The following TNFRSF9 variants were observed in gnomAD, a reference collection of about 807,000 sequenced individuals.
TNFRSF9 encodes tumor necrosis factor receptor superfamily member 9.
TNFRSF9 carries 16 observed loss-of-function variants against 28.8 expected under a neutral mutation model. The observed-to-expected ratio is 0.55, with a 90% CI of 0.38 to 0.84. TNFRSF9 has a LOEUF of 0.84. Among genes scored for constraint, TNFRSF9 ranks in the 40% least tolerant of loss-of-function variants. TNFRSF9 has a pLI of 0.00. For missense variants in TNFRSF9, 303 were observed against 315.0 expected (o/e 0.96, Z 0.29); for synonymous variants, 131 against 117.0 (o/e 1.12, Z -0.77).
rs1639496253 is a variant in TNFRSF9, at chr1:7,917,460, A to C, written c.*3375T>G. The C allele has an allele frequency of 6.6e-6, 1 of 152,232 alleles. No individual in the cohort carries two copies. The highest frequency in any genetic ancestry group is 1.5e-5 in the Non-Finnish European group (1 of 68,082). The allele number at this position is 152,232 out of a possible 1,614,324, so 9.4% of individuals were successfully genotyped here. A position where few individuals can be genotyped will look rare whatever the true frequency, so the allele number is the denominator to read the frequency against. On this transcript the variant is annotated 3_prime_UTR_variant, in exon 8 of 8. Coordinates refer to ENST00000377507, the MANE Select transcript of TNFRSF9 (RefSeq NM_001561.6). ...GCAGGAGAAAGACGACGTATTGAAT[A>C]CATGGCGCAGGGACCAGTGGTTACC...
In TNFRSF9 at chr1:7,920,851, C is replaced by CCTT; in HGVS notation, c.749_751dup (p.Glu250dup). 2 of 1,612,988 alleles carry CCTT rather than the reference C, an allele frequency of 1.2e-6. No individual in the cohort carries two copies. Among genetic ancestry groups the CCTT allele is most frequent in the Non-Finnish European group, 1.7e-6 (2 of 1,179,154 alleles). On this transcript the variant is annotated inframe_insertion, in exon 8 of 8. Transcript: ENST00000377507. ...ACTTCCATTTCACAGTTCACATCCT[C>CCTT]CTTCTTCTTCTTCTGGAAATCGGCA... is the stretch of plus-strand genomic sequence containing the variant.
intron 7 of TNFRSF9, among the ~76,000 whole-genome samples, chr1:7,923,477 C>T (rs894476664): frequency 2.0e-5 from 3 of 152,164 alleles, no homozygotes; most frequent in East Asian, 1.9e-4. Flanking sequence ...CTGGCCGTAA[C>T]GAGCTGCCCA....
chr1:7,935,249 A>G, intron 5 of TNFRSF9, 106 bp from the exon 6 acceptor site: 1 of 1,295,786 alleles, frequency 7.7e-7, no homozygotes, highest in South Asian at 1.5e-5. Context: ...AGTGAAAAAG[A>G]TATATGGGTC....
chr1:7,938,480 T>C, intron 3 of TNFRSF9, 150 bp from the exon 4 acceptor site: 1 of 983,836 alleles, frequency 1.0e-6, no homozygotes, highest in Non-Finnish European at 1.4e-6. Context: ...CATAAAGACA[T>C]TTTTACATTT....
chr1:7,939,299 G>A (rs1459823237), intron 2 of TNFRSF9, among the ~76,000 whole-genome samples: 14 of 138,952 alleles, frequency 1.0e-4, no homozygotes, highest in South Asian at 2.3e-4. Context: ...CAGCCTGGGC[G>A]ACAGAGTGAG....
rs1402765600 is a variant in TNFRSF9 at position 7,919,210 on chromosome 1, C to T, written c.*1625G>A. The stretch of plus-strand genomic sequence containing the variant: ...GCAAGCTTGCAATAGGCATGTCATA[C>T]AAAAGTGTAAGAAATGGCCAGGCAT... On this transcript the variant is annotated 3_prime_UTR_variant, in exon 8 of 8. Coordinates refer to ENST00000377507, the MANE Select transcript of TNFRSF9 (RefSeq NM_001561.6). 2 of 152,060 alleles carry T rather than the reference C, an allele frequency of 1.3e-5. No homozygotes were observed. The highest frequency in any genetic ancestry group is 4.8e-5 in the African/African-American group (2 of 41,392). The allele number at this position is 152,060 out of a possible 1,614,324, so 9.4% of individuals were successfully genotyped here.
rs746229330 is a variant in TNFRSF9, at chr1:7,920,952, T to C, written c.680-29A>G. The stretch of plus-strand genomic sequence containing the variant: ...AAAAAAAAATTTTAAGATACGTATA[T>C]TTTGTTGTCTATTTGAATCATTTAA... On this transcript the variant is annotated intron_variant, in intron 7 of 7. Transcript: ENST00000377507. 5 of 1,461,772 alleles carry C rather than the reference T, an allele frequency of 3.4e-6. No individual in the cohort carries two copies. In the Admixed American group the frequency reaches 6.8e-5, roughly 20 times the overall value. The allele number at this position is 1,461,772 out of a possible 1,614,324, so 90.6% of individuals were successfully genotyped here.
intron 7 of TNFRSF9, among the ~76,000 whole-genome samples, chr1:7,929,939 T>C (rs1280688704): frequency 6.6e-6 from 1 of 151,244 alleles, no homozygotes; most frequent in Non-Finnish European, 1.5e-5. Flanking sequence ...TACGTCAAAA[T>C]TGAAAGTTCT....
intron 6 of TNFRSF9, among the ~76,000 whole-genome samples, chr1:7,933,940 C>G (rs148100475): frequency 1.8e-4 from 27 of 152,142 alleles, no homozygotes; most frequent in African/African-American, 5.8e-4. Flanking sequence ...TCGCTTGAAC[C>G]TGGGAGGTAG....
chr1:7,929,710 T>C (rs2890315), intron 7 of TNFRSF9, among the ~76,000 whole-genome samples: 2,781 of 152,224 alleles, frequency 0.018, 95 homozygotes, highest in African/African-American at 0.063. Context: ...AGGACCTAAC[T>C]AGAAAGGAAT....
At chr1:7,932,762 T>C (rs578071008) in intron 7 of TNFRSF9, among the ~76,000 whole-genome samples, 2 of 151,380 alleles carry the variant, frequency 1.3e-5, no homozygotes, top group Admixed American at 1.3e-4. Context: ...TACACATACA[T>C]GCAATAATCC....
chr1:7,925,181 G>A (rs559133739), intron 7 of TNFRSF9, among the ~76,000 whole-genome samples: 5 of 151,890 alleles, frequency 3.3e-5, no homozygotes, highest in Non-Finnish European at 5.9e-5. Flanking sequence ...GGTGGCAGCT[G>A]CCTGTAGTCC....
At position 7,917,844 on chromosome 1, in the gene TNFRSF9, A is replaced by G. The variant is rs1639501107; in HGVS notation, c.*2991T>C. ...GAGGATCACTTGAGCTCAGGAGTTC[A>G]AGACCAGCCTGGGCAACATAATGAA... On this transcript the variant is annotated 3_prime_UTR_variant, in exon 8 of 8. Transcript: ENST00000377507. 2.0e-5 allele frequency: 3 copies of G among 151,784 alleles called. No homozygotes were observed. Among genetic ancestry groups the G allele is most frequent in the Admixed American group, 6.6e-5 (1 of 15,188 alleles). The allele number at this position is 151,784 out of a possible 1,614,324, so 9.4% of individuals were successfully genotyped here.
At chr1:7,928,644 C>A (rs376898698) in intron 7 of TNFRSF9, among the ~76,000 whole-genome samples, 4 of 152,304 alleles carry the variant, frequency 2.6e-5, no homozygotes, top group African/African-American at 9.6e-5. Flanking sequence ...GTAATCCCAG[C>A]ACTTTGGGAG....
chr1:7,927,352 C>A (rs1466049366), intron 7 of TNFRSF9, among the ~76,000 whole-genome samples: 1 of 152,218 alleles, frequency 6.6e-6, no homozygotes, highest in Non-Finnish European at 1.5e-5. Context: ...CGACAATCAT[C>A]CCCGCTTTCT....
In TNFRSF9 at chr1:7,940,028, G is replaced by A. The variant is rs1462720799; in HGVS notation, c.-34C>T. 12 of 1,456,702 alleles carry A rather than the reference G, an allele frequency of 8.2e-6. No individual in the cohort carries two copies. Among genetic ancestry groups the A allele is most frequent in the Non-Finnish European group, 1.1e-5 (12 of 1,046,668 alleles). 90.2% of individuals were successfully genotyped at this position (1,456,702 alleles called of 1,614,324 possible). A position where few individuals can be genotyped will look rare whatever the true frequency, so the allele number is the denominator to read the frequency against. On this transcript the variant is annotated 5_prime_UTR_variant, in exon 2 of 8. Coordinates refer to ENST00000377507, the MANE Select transcript of TNFRSF9 (RefSeq NM_001561.6). The stretch of plus-strand genomic sequence containing the variant: ...CTGGCACAGGTATGATACTAGCAAA[G>A]CTGATTCCAAGAGAATTTTAATCAA...
chr1:7,924,335 A>ATATATATATAT (rs1639607050), intron 7 of TNFRSF9, among the ~76,000 whole-genome samples: 1 of 130,688 alleles, frequency 7.7e-6, no homozygotes, highest in Non-Finnish European at 1.6e-5. Flanking sequence ...ATATATATAT[A>ATATATATATAT]ACCAGTTAAG....
intron 5 of TNFRSF9, among the ~76,000 whole-genome samples, chr1:7,937,226 C>T (rs184895567): frequency 1.5e-4 from 23 of 152,278 alleles, no homozygotes; most frequent in African/African-American, 5.5e-4. Context: ...TGCGATGGTG[C>T]GATCATAGCT....
rs58569630 is a variant in TNFRSF9 at position 7,924,294 on chromosome 1, CATATATATATATATAT to C, written c.680-3387_680-3372del. 6.7e-3 allele frequency among the ~76,000 whole-genome samples: 868 copies of C among 130,004 alleles called. 9 individuals are homozygous for C. Among genetic ancestry groups the C allele is most frequent in the African/African-American group, 0.013 (453 of 35,086 alleles). The allele number at this position is 130,004 out of a possible 152,430, so 85.3% of individuals were successfully genotyped here. On this transcript the variant is annotated intron_variant, in intron 7 of 7. Transcript: ENST00000377507. ...TTTATAGTTATTTCATAGTATATTC[CATATATATATATATAT>C]ATATATATATATATATATATATATA...
Sources: gnomAD v4.1 joint callset for allele counts (sites outside exome capture counted in the v4.1 genomes callset) on GRCh38, gnomAD v4.1.1 for gene constraint, MANE v1.5 for transcripts, NCBI Gene and HGNC (gene_info 2026-07-23, HGNC 2026-07-21) for gene names.